Variants in RFX3 observed in about 807,000 individuals in gnomAD.
RFX3 encodes the protein regulatory factor X3.
Under a neutral mutation model 98.6 loss-of-function variants are expected in RFX3, and 14 were observed. The ratio of observed to expected loss-of-function variants is 0.14; its 90% CI spans 0.09 to 0.22. RFX3 has a LOEUF of 0.22. Among genes scored for constraint, RFX3 ranks in the 10% least tolerant of loss-of-function variants. The pLI is 1.00. For synonymous variants in RFX3, 383 were observed against 328.4 expected (o/e 1.17, Z -1.80); for missense variants, 639 against 926.9 (o/e 0.69, Z 4.03).
chr9:3,363,463 G>A (rs1836690360), intron 2 of RFX3, among the ~76,000 whole-genome samples: 1 of 152,164 alleles, frequency 6.6e-6, no homozygotes, highest in Non-Finnish European at 1.5e-5. Context: ...GTTAAATAAA[G>A]ATGTCGGTTC....
At chr9:3,234,296 C>T (rs1004843655) in intron 15 of RFX3, among the ~76,000 whole-genome samples, 5 of 152,102 alleles carry the variant, frequency 3.3e-5, no homozygotes, top group Non-Finnish European at 1.5e-5. Context: ...GCAAAAATAG[C>T]CATAGATAAC....
chr9:3,266,928 G>A (rs368285103), intron 11 of RFX3, among the ~76,000 whole-genome samples: 3 of 151,884 alleles, frequency 2.0e-5, no homozygotes, highest in South Asian at 4.2e-4. Flanking sequence ...TTGCTGTTAC[G>A]GAAACCCGTA....
intron 1 of RFX3, among the ~76,000 whole-genome samples, chr9:3,504,845 T>TA (rs1554727922): frequency 4.7e-4 from 16 of 33,750 alleles, no homozygotes; most frequent in African/African-American, 1.6e-3. Context: ...ATAAAATATA[T>TA]ATATTATATA....
chr9:3,244,656 T>A (rs1227411478), intron 15 of RFX3, among the ~76,000 whole-genome samples: 1 of 152,188 alleles, frequency 6.6e-6, no homozygotes, highest in Non-Finnish European at 1.5e-5. Flanking sequence ...AGAGTTAACA[T>A]CTTTTGTCCT....
At chr9:3,474,885 CA>C (rs1427268639) in intron 1 of RFX3, among the ~76,000 whole-genome samples, 1 of 152,078 alleles carries the variant, frequency 6.6e-6, no homozygotes, top group African/African-American at 2.4e-5. Context: ...TCACTTGAGG[CA>C]ACCAAGAGTT....
intron 1 of RFX3, among the ~76,000 whole-genome samples, chr9:3,506,423 G>A (rs1817103291): frequency 6.6e-6 from 1 of 151,634 alleles, no homozygotes; most frequent in Non-Finnish European, 1.5e-5. Context: ...ATCCCAGCAG[G>A]CACAGTAAAG....
intron 3 of RFX3, among the ~76,000 whole-genome samples, chr9:3,332,466 T>G (rs1193083780): frequency 6.6e-6 from 1 of 152,168 alleles, no homozygotes. Flanking sequence ...TTTTGGAGCA[T>G]TTCAGATTTT....
chr9:3,334,797 C>T (rs1007122996), intron 3 of RFX3, among the ~76,000 whole-genome samples: 2 of 152,080 alleles, frequency 1.3e-5, no homozygotes. Flanking sequence ...CTTTCAAACA[C>T]TGGGTTGAGT....
intron 2 of RFX3, among the ~76,000 whole-genome samples, chr9:3,357,441 GTTACAA>G (rs1176888391): frequency 6.6e-6 from 1 of 151,830 alleles, no homozygotes; most frequent in East Asian, 1.9e-4. Context: ...TATTTTTGCA[GTTACAA>G]TTACAAGAGA....
Position 3,345,639 on chromosome 9 carries a change from T to C in RFX3, c.215+1028A>G, listed in dbSNP as rs145305878. Among the ~76,000 whole-genome samples, 303 of 152,234 alleles carry C rather than the reference T, an allele frequency of 2.0e-3. 1 individual carries two copies. Among genetic ancestry groups the C allele is most frequent in the Non-Finnish European group, 3.2e-3 (218 of 67,996 alleles). ...TCTCCTTCCCCTTCCATGGTAACAA[T>C]AACAAAAAGCTCAGAATATTTAAGT... On this transcript the variant is annotated intron_variant, in intron 3 of 16. Coordinates refer to ENST00000617270, the MANE Select transcript of RFX3 (RefSeq NM_001282116.2).
intron 2 of RFX3, among the ~76,000 whole-genome samples, chr9:3,372,641 A>C (rs1587377759): frequency 6.9e-6 from 1 of 145,370 alleles, no homozygotes; most frequent in African/African-American, 2.6e-5. Context: ...TCTGCCCCCC[A>C]GGTTTGAGAG....
intron 4 of RFX3, among the ~76,000 whole-genome samples, chr9:3,312,627 A>G (rs973529017): frequency 6.6e-6 from 1 of 151,960 alleles, no homozygotes; most frequent in Non-Finnish European, 1.5e-5. Context: ...GAATAGGAAC[A>G]GCTCCAGTCT....
At chr9:3,492,158 C>T (rs1226572432) in intron 1 of RFX3, among the ~76,000 whole-genome samples, 1 of 152,172 alleles carries the variant, frequency 6.6e-6, no homozygotes. Flanking sequence ...GTGAGCAAAA[C>T]ATGGCTATTC....
At chr9:3,366,815 C>A (rs1837262838) in intron 2 of RFX3, among the ~76,000 whole-genome samples, 1 of 150,088 alleles carries the variant, frequency 6.7e-6, no homozygotes, top group African/African-American at 2.5e-5. Context: ...GCATTGAAAT[C>A]ATGCATGCAT....
intron 3 of RFX3, among the ~76,000 whole-genome samples, chr9:3,343,792 A>G (rs1305683458): frequency 6.6e-6 from 1 of 152,208 alleles, no homozygotes; most frequent in African/African-American, 2.4e-5. Flanking sequence ...TTGTGACATT[A>G]TTGGCTAGAG....
chr9:3,456,931 G>A (rs1445052707), intron 1 of RFX3, among the ~76,000 whole-genome samples: 5 of 151,780 alleles, frequency 3.3e-5, no homozygotes, highest in African/African-American at 4.8e-5. Flanking sequence ...GGTGGATCAT[G>A]AGGTCAAGAG....
In RFX3 at chr9:3,330,581, T is replaced by C. The variant is rs143307078; in HGVS notation, c.216-64A>G. Reference sequence around the variant, plus strand: ...TTATGTCATCTTATTAATTTTTTTCTAATATGAATGTAATTGAAATATATT... The same window carrying C: ...TTATGTCATCTTATTAATTTTTTTCCAATATGAATGTAATTGAAATATATT... On this transcript the variant is annotated intron_variant, in intron 3 of 16. Transcript: ENST00000617270. The C allele has an allele frequency of 2.6e-4, 372 of 1,445,402 alleles. 2 individuals carry two copies. The African/African-American group carries it at 5.0e-3, about 19-fold the overall frequency. 89.5% of individuals were successfully genotyped at this position (1,445,402 alleles called of 1,614,324 possible). A position where few individuals can be genotyped will look rare whatever the true frequency, so the allele number is the denominator to read the frequency against.
intron 2 of RFX3, among the ~76,000 whole-genome samples, chr9:3,348,858 T>C (rs1245059926): frequency 1.3e-5 from 2 of 152,138 alleles, no homozygotes; most frequent in African/African-American, 4.8e-5. Context: ...ACCATCTTTC[T>C]TAACTCTGCT....
At chr9:3,331,920 T>G (rs544878626) in intron 3 of RFX3, among the ~76,000 whole-genome samples, 142 of 152,248 alleles carry the variant, frequency 9.3e-4, no homozygotes, top group Middle Eastern at 6.8e-3. Flanking sequence ...AGAACTCCCA[T>G]GAAATATGGG....
Sources: gnomAD v4.1 joint callset for allele counts (sites outside exome capture counted in the v4.1 genomes callset) on GRCh38, gnomAD v4.1.1 for gene constraint, MANE v1.5 for transcripts, NCBI Gene and HGNC (gene_info 2026-07-23, HGNC 2026-07-21) for gene names.